APEH: variants seen among roughly 807,000 people sequenced by gnomAD.
APEH encodes acylamino-acid-releasing enzyme.
In APEH, 75 loss-of-function variants were observed where a neutral mutation model predicts 102.7. The observed-to-expected ratio is 0.73, with a 90% confidence interval of 0.61 to 0.89. The LOEUF (loss-of-function observed/expected upper bound fraction) is 0.89, where lower values mean the gene tolerates loss of function less well. Ranked by LOEUF, APEH falls within the 40% of genes least tolerant of loss-of-function variation. The pLI is 0.00. For synonymous variants in APEH, 344 were observed against 362.7 expected, an observed-to-expected ratio of 0.95 and a Z score of 0.59; for missense variants, 863 against 941.2, an observed-to-expected ratio of 0.92 and a Z score of 1.09.
chr3:49,681,804 C>A lies in APEH; in HGVS notation c.1521C>A (p.His507Gln), dbSNP rs549920856. ...KTQVPMVVMP[H>Q]GGPHSSFVTA... is the part of the protein sequence containing the mutation. ...AAGTGCCCATGGTGGTCATGCCCCA[C>A]GGTAGGCATCTGGCGTTAAGAGCCC... The change falls in exon 16 of 22, where the codon CAC becomes CAA. Residue 507 changes from histidine to glutamine, a missense_variant and splice_region_variant. Transcript: ENST00000296456. 1.9e-6 allele frequency: 3 copies of A among 1,611,636 alleles called. No homozygotes were observed. Among genetic ancestry groups the A allele is most frequent in the Non-Finnish European group, 2.5e-6 (3 of 1,178,142 alleles).
Position 49,683,140 on chromosome 3 carries a change from C to T in APEH, c.2087C>T (p.Pro696Leu). The T allele has an allele frequency of 6.2e-7, 1 of 1,614,050 alleles. No individual in the cohort carries two copies. Among genetic ancestry groups the T allele is most frequent in the Non-Finnish European group, 8.5e-7 (1 of 1,179,968 alleles). ...CGTGCCCTCAAGACCCGGAATGTGC[C>T]TGTTCGGTGAGTGCAGCATGAAGGC... ...YYRALKTRNV[P>L]VRLLLYPKST... Residue 696 changes from proline to leucine, a missense_variant, in exon 21 of 22, where the codon CCT becomes CTT. Physicochemically the swap from Pro to Leu is moderately conservative, Grantham distance 98. Transcript: ENST00000296456.
At chr3:49,677,762 C>T (rs2053134584) in intron 11 of APEH, 129 bp downstream of exon 11, 2 of 905,794 alleles carry the variant, frequency 2.2e-6, no homozygotes, top group African/African-American at 3.3e-5. Context: ...CTGGGCCAGC[C>T]TTATGCCCAG....
At position 49,676,201 on chromosome 3, in the gene APEH, G is replaced by A; in HGVS notation, c.588G>A (p.Lys196=). 3 of 1,614,022 alleles carry A rather than the reference G, an allele frequency of 1.9e-6. No individual in the cohort carries two copies. Among genetic ancestry groups the A allele is most frequent in the South Asian group, 1.1e-5 (1 of 91,090 alleles). The change falls in exon 6 of 22, where the codon AAG becomes AAA. Residue 196 remains lysine, a synonymous_variant. Transcript: ENST00000296456. ...ATGATGAGATAGCCAGGCTGAAGAA[G>A]CCAGACCAAGCCATCAAGGTGCTCG... ...ASDDEIARLK[K]PDQAIKGDQF... is the part of the protein sequence containing the mutation.
In APEH at chr3:49,682,591, C is replaced by A. The variant is rs1235736306; in HGVS notation, c.1738C>A (p.His580Asn). The part of the protein sequence containing the change: ...VLQEEHFDAS[H>N]VALMGGSHGG... ...CCAGGAGGAACACTTTGATGCAAGC[C>A]ATGTGGCCCTTATGGGTGGTTCCCA... is the stretch of plus-strand genomic sequence containing the variant. Residue 580 changes from histidine (H) to asparagine (N), a missense_variant, in exon 19 of 22, where the codon CAT (histidine) becomes AAT (asparagine). Coordinates refer to ENST00000296456, the MANE Select transcript of APEH (RefSeq NM_001640.4). The A allele has an allele frequency of 6.2e-7, 1 of 1,614,166 alleles. No homozygotes were observed. Among genetic ancestry groups the A allele is most frequent in the Admixed American group, 1.7e-5 (1 of 60,028 alleles).
intron 14 of APEH, 98 bp downstream of exon 14, chr3:49,680,727 C>G (rs535811102): frequency 8.8e-7 from 1 of 1,138,488 alleles, no homozygotes; most frequent in African/African-American, 1.5e-5. Flanking sequence ...CCTGGCTGGT[C>G]AGCATACAGA....
chr3:49,683,896 A>G lies in APEH; in HGVS notation c.*554A>G. 1 of 1,405,766 alleles carries G rather than the reference A, an allele frequency of 7.1e-7. No individual in the cohort carries two copies. Among genetic ancestry groups the G allele is most frequent in the Non-Finnish European group, 9.6e-7 (1 of 1,040,008 alleles). The allele number at this position is 1,405,766 out of a possible 1,614,324, so 87.1% of individuals were successfully genotyped here. On this transcript the variant is annotated 3_prime_UTR_variant, in exon 22 of 22. Transcript: ENST00000296456. The stretch of plus-strand genomic sequence containing the variant: ...GCTGGGCTCAAGCCACCCGAGCCCT[A>G]GCAAGGAGTCACTGACACATTTCCT...
Position 49,682,858 on chromosome 3 carries a change from T to C in APEH, c.1899T>C (p.Ala633=). ...TDIPDWCVVE[A]GFPFSSDCLP... ...TGTCTTGCAGGTGCGTGGTGGAGGCTGGCTTTCCTTTCAGCAGTGACTGCC... is the reference window on the plus strand; with the variant it reads ...TGTCTTGCAGGTGCGTGGTGGAGGCCGGCTTTCCTTTCAGCAGTGACTGCC... The change falls in exon 20 of 22, where the codon GCT becomes GCC. Residue 633 remains alanine, a synonymous_variant. Coordinates refer to ENST00000296456, the MANE Select transcript of APEH (RefSeq NM_001640.4). The C allele has an allele frequency of 6.2e-7, 1 of 1,614,080 alleles. No homozygotes were observed. The highest frequency in any genetic ancestry group is 1.1e-5 in the South Asian group (1 of 91,084).
chr3:49,681,847 T>C (rs2053333197), intron 16 of APEH, 40 bp from the exon 17 acceptor site: 1 of 1,610,230 alleles, frequency 6.2e-7, no homozygotes, highest in African/African-American at 1.3e-5. Context: ...CCCAGCCCTC[T>C]TCCTAGCTGG....
Position 49,683,260 on chromosome 3 carries a change from C to T in APEH, c.2117C>T (p.Thr706Ile). ...PVRLLLYPKS[T>I]HALSEVEVES... ...AGGCTCCTGCTCTATCCCAAAAGCA[C>T]CCACGCATTATCAGAGGTGGAGGTG... Residue 706 changes from threonine (T) to isoleucine (I), a missense_variant, in exon 22 of 22, where the codon ACC becomes ATC. Transcript: ENST00000296456. 7 of 1,613,988 alleles carry T rather than the reference C, an allele frequency of 4.3e-6. No homozygotes were observed. The highest frequency in any genetic ancestry group is 5.9e-6 in the Non-Finnish European group (7 of 1,179,930).
chr3:49,680,856 T>C (rs889906380), intron 14 of APEH, among the ~76,000 whole-genome samples: 4 of 152,192 alleles, frequency 2.6e-5, no homozygotes, highest in Non-Finnish European at 4.4e-5. Context: ...GTGCTCTGTC[T>C]TGGTATTACA....
Position 49,679,059 on chromosome 3 carries a change from C to A in APEH, c.1158+110C>A. ...GGAATGCCCAGCCACAAAGTCTCAT[C>A]AGCCCCTTAAAACCCTGCCTGCCCA... is the stretch of plus-strand genomic sequence containing the variant. On this transcript the variant is annotated intron_variant, in intron 12 of 21. Coordinates refer to ENST00000296456, the MANE Select transcript of APEH (RefSeq NM_001640.4). The surrounding 1 kb of genome is among the most constrained non-coding windows in gnomAD (Gnocchi z 4.3). 1.1e-6 allele frequency: 1 copy of A among 885,568 alleles called. No individual in the cohort carries two copies. The highest frequency in any genetic ancestry group is 1.7e-6 in the Non-Finnish European group (1 of 572,794). The allele number at this position is 885,568 out of a possible 1,614,324, so 54.9% of individuals were successfully genotyped here.
At position 49,682,930 on chromosome 3, in the gene APEH, C is replaced by T. The variant is rs2053414547; in HGVS notation, c.1971C>T (p.Ile657=). 5.6e-6 allele frequency: 9 copies of T among 1,613,956 alleles called. No homozygotes were observed. The East Asian group carries it at 1.6e-4, about 28-fold the overall frequency. The change falls in exon 20 of 22, where the codon ATC becomes ATT. Residue 657 remains isoleucine, a synonymous_variant. Coordinates refer to ENST00000296456, the MANE Select transcript of APEH (RefSeq NM_001640.4). ...VWAEMLDKSP[I]RYIPQVKTPL... is the part of the protein sequence containing the mutation. ...CTGAGATGCTGGACAAATCGCCCATCAGATACATCCCTCAGGTATGCAGCC... is the reference window on the plus strand; with the variant it reads ...CTGAGATGCTGGACAAATCGCCCATTAGATACATCCCTCAGGTATGCAGCC...
rs1403794850 is a variant in APEH, at chr3:49,679,037, A to G, written c.1158+88A>G. 4 of 1,071,724 alleles carry G rather than the reference A, an allele frequency of 3.7e-6. No homozygotes were observed. The highest frequency in any genetic ancestry group is 3.2e-5 in the African/African-American group (2 of 63,112). The allele number at this position is 1,071,724 out of a possible 1,614,324, so 66.4% of individuals were successfully genotyped here. On this transcript the variant is annotated intron_variant, in intron 12 of 21. Coordinates refer to ENST00000296456, the MANE Select transcript of APEH (RefSeq NM_001640.4). This position sits in a 1 kb window ranked among gnomAD's most constrained non-coding sequence, Gnocchi z 4.3. ...TTGCATGTGCATGCCCCTGGGTGGA[A>G]TGCCCAGCCACAAAGTCTCATCAGC...
Position 49,683,107 on chromosome 3 carries a change from A to G in APEH, c.2054A>G (p.Glu685Gly), listed in dbSNP as rs764765021. 30 of 1,613,948 alleles carry G rather than the reference A, an allele frequency of 1.9e-5. No individual in the cohort carries two copies. In the South Asian group the frequency reaches 3.0e-4, roughly 16 times the overall value. ...CGTGTGCCCTTCAAGCAGGGCATGGAGTATTACCGTGCCCTCAAGACCCGG... is the reference window on the plus strand; with the variant it reads ...CGTGTGCCCTTCAAGCAGGGCATGGGGTATTACCGTGCCCTCAAGACCCGG... Reference protein sequence around the residue: ...DRRVPFKQGMEYYRALKTRNV... With the variant: ...DRRVPFKQGMGYYRALKTRNV... Residue 685 changes from glutamate (E) to glycine (G), a missense_variant, in exon 21 of 22, where the codon GAG becomes GGG. Coordinates refer to ENST00000296456, the MANE Select transcript of APEH (RefSeq NM_001640.4).
intron 2 of APEH, 98 bp from the exon 3 acceptor site, chr3:49,675,085 G>A (rs2052962656): frequency 6.6e-7 from 1 of 1,504,358 alleles, no homozygotes. Context: ...TGAGAGATTG[G>A]GGAAGATAGA....
chr3:49,675,251 G>T lies in APEH; in HGVS notation c.214G>T (p.Asp72Tyr). The change falls in exon 3 of 22, where the codon GAC (aspartate) becomes TAC (tyrosine). Residue 72 changes from aspartate (D) to tyrosine (Y), a missense_variant. Transcript: ENST00000296456. ...CTGCCGCCAATACCTGGTGTTCCAT[G>T]ACGGGGACTCAGTGGTGTTTGCAGG... ...RFCRQYLVFH[D>Y]GDSVVFAGPA... The T allele has an allele frequency of 6.2e-7, 1 of 1,614,082 alleles. No homozygotes were observed. Among genetic ancestry groups the T allele is most frequent in the South Asian group, 1.1e-5 (1 of 91,064 alleles).
chr3:49,673,228 C>T (rs977243488), upstream of APEH, among the ~76,000 whole-genome samples: 7 of 151,056 alleles, frequency 4.6e-5, no homozygotes, highest in Non-Finnish European at 4.4e-5. Context: ...GGAGCCAGGG[C>T]CCTGAATGTG....
intron 3 of APEH, 125 bp from the exon 4 acceptor site, chr3:49,675,569 A>G: frequency 9.4e-7 from 1 of 1,061,992 alleles, no homozygotes; most frequent in Non-Finnish European, 1.4e-6. Context: ...AGGTGGGGCT[A>G]GAGGTGCTCC....
chr3:49,676,366 T>G lies in APEH; in HGVS notation c.607-12T>G, dbSNP rs1192604407. 7 of 1,613,992 alleles carry G rather than the reference T, an allele frequency of 4.3e-6. No individual in the cohort carries two copies. The highest frequency in any genetic ancestry group is 5.9e-6 in the Non-Finnish European group (7 of 1,180,030). On this transcript the variant is annotated splice_polypyrimidine_tract_variant and intron_variant, in intron 6 of 21. Transcript: ENST00000296456. Reference sequence around the variant, plus strand: ...ATAGACAGGCTGGGCATTGAGTATCTTGTGTTCTCAGGGGGATCAGTTTGT... The same window carrying G: ...ATAGACAGGCTGGGCATTGAGTATCGTGTGTTCTCAGGGGGATCAGTTTGT...
Sources: gnomAD v4.1 joint callset for allele counts (sites outside exome capture counted in the v4.1 genomes callset) on GRCh38, gnomAD v4.1.1 for gene constraint, Gnocchi (gnomAD v3.1) non-coding constraint, MANE v1.5 for transcripts, NCBI Gene and HGNC (gene_info 2026-07-23, HGNC 2026-07-21) for gene names.